The following ZNF821 variants were observed in gnomAD, a reference collection of about 807,000 sequenced individuals.
The protein encoded by ZNF821 is zinc finger protein 821.
ZNF821 carries 16 observed loss-of-function variants against 44.3 expected under a neutral mutation model. The observed-to-expected ratio is 0.36, with a 90% CI of 0.24 to 0.55. The LOEUF (loss-of-function observed/expected upper bound fraction) is 0.55, where lower values mean the gene tolerates loss of function less well. Ranked by LOEUF, ZNF821 falls within the 20% of genes least tolerant of loss-of-function variation. The probability of loss-of-function intolerance (pLI) is 0.86; values close to 1 mark genes in which losing one functional copy is unlikely to be tolerated. For synonymous variants in ZNF821, 204 were observed against 197.6 expected (o/e 1.03, Z -0.27); for missense variants, 436 against 547.6 (o/e 0.80, Z 2.03).
At chr16:71,868,109 T>A in intron 3 of ZNF821, 72 bp from the exon 4 acceptor site, 1 of 1,485,508 alleles carries the variant, frequency 6.7e-7, no homozygotes, top group Non-Finnish European at 9.0e-7. Flanking sequence ...GGTTGGAAGG[T>A]CAGACCATTC....
upstream of ZNF821, among the ~76,000 whole-genome samples, chr16:71,888,803 T>C (rs2036871413): frequency 6.6e-6 from 1 of 152,234 alleles, no homozygotes. Flanking sequence ...ATGATAAATG[T>C]AAAAACCTGA....
At chr16:71,875,963 G>A (rs1010548631) in intron 3 of ZNF821, among the ~76,000 whole-genome samples, 3 of 152,194 alleles carry the variant, frequency 2.0e-5, no homozygotes, top group African/African-American at 7.2e-5. Flanking sequence ...GGGAGATGCA[G>A]CTTATGGATA....
At chr16:71,868,331 A>G (rs2034783185) in intron 3 of ZNF821, among the ~76,000 whole-genome samples, 1 of 152,216 alleles carries the variant, frequency 6.6e-6, no homozygotes, top group African/African-American at 2.4e-5. Flanking sequence ...CAGACTCTCA[A>G]ATCCATTTAC....
chr16:71,887,554 C>T (rs765714789), upstream of ZNF821, among the ~76,000 whole-genome samples: 7 of 152,350 alleles, frequency 4.6e-5, no homozygotes, highest in East Asian at 1.9e-4. Context: ...AGCCATCGCG[C>T]GCAGCCCTCT....
At chr16:71,875,923 A>G (rs2035764624) in intron 3 of ZNF821, among the ~76,000 whole-genome samples, 1 of 152,174 alleles carries the variant, frequency 6.6e-6, no homozygotes. Flanking sequence ...AACTCCATTA[A>G]TAGCTCATCT....
At chr16:71,863,401 CTTTTTTT>C (rs372197045) in intron 6 of ZNF821, among the ~76,000 whole-genome samples, 1 of 108,594 alleles carries the variant, frequency 9.2e-6, no homozygotes, top group Admixed American at 1.0e-4. Context: ...AGCAGAATCT[CTTTTTTT>C]TTTTTTTTTT....
At chr16:71,861,163 C>A (rs975272672) in intron 7 of ZNF821, among the ~76,000 whole-genome samples, 1 of 152,186 alleles carries the variant, frequency 6.6e-6, no homozygotes, top group African/African-American at 2.4e-5. Context: ...CGGGTGTCTA[C>A]CAACTCTAAA....
intron 4 of ZNF821, 107 bp from the exon 5 acceptor site, chr16:71,865,155 C>A: frequency 7.2e-7 from 1 of 1,389,602 alleles, no homozygotes; most frequent in Non-Finnish European, 1.0e-6. Flanking sequence ...TTCAGATCTT[C>A]CATAATATAG....
At chr16:71,894,898 T>C (rs1452507690) in exon 1 of ZNF821, 1 of 1,372,932 alleles carries the variant, frequency 7.3e-7, no homozygotes, top group Non-Finnish European at 1.0e-6. Flanking sequence ...CCGAGATAAA[T>C]TAGGGAAATC....
chr16:71,864,284 C>T, intron 5 of ZNF821, 42 bp from the exon 6 acceptor site: 2 of 1,548,470 alleles, frequency 1.3e-6, no homozygotes, highest in Non-Finnish European at 1.8e-6. Context: ...ACTCTTTACT[C>T]ATCTCTTCCC....
At chr16:71,863,670 G>A (rs2034192488) in intron 6 of ZNF821, among the ~76,000 whole-genome samples, 1 of 152,042 alleles carries the variant, frequency 6.6e-6, no homozygotes, top group Non-Finnish European at 1.5e-5. Flanking sequence ...AATTCTGGGT[G>A]TGAGCCACCA....
intron 1 of ZNF821, chr16:71,894,718 TA>T: frequency 3.5e-6 from 2 of 567,560 alleles, no homozygotes; most frequent in South Asian, 4.6e-5. Context: ...TTTTTTTTTG[TA>T]GCGATGCGGT....
At position 71,860,590 on chromosome 16, in the gene ZNF821, T is replaced by C. The variant is rs762434705; in HGVS notation, c.667A>G (p.Ile223Val). 1 of 1,614,104 alleles carries C rather than the reference T, an allele frequency of 6.2e-7. No individual in the cohort carries two copies. The highest frequency in any genetic ancestry group is 8.5e-7 in the Non-Finnish European group (1 of 1,180,014). The change falls in exon 8 of 8, where the codon ATT (isoleucine) becomes GTT (valine). Residue 223 changes from isoleucine (I) to valine (V), a missense_variant. Ile to Val is a conservative substitution (Grantham distance 29). This residue lies in a region of ZNF821 where 238 missense variants were observed against 281.4 expected (regional missense o/e 0.85). Coordinates refer to ENST00000425432, the MANE Select transcript of ZNF821 (RefSeq NM_001201552.2). This position sits in a 1 kb window ranked among gnomAD's most constrained non-coding sequence, Gnocchi z 7.3. ...GGGTACACTGGAGGACTAAAGGCAA[T>C]ATCCTTCCCCTCAGCACTGGAGGGA... is the stretch of plus-strand genomic sequence containing the variant. ...EGPSSAEGKD[I>V]AFSPPVYPAG...
chr16:71,885,861 A>G (rs13335391), upstream of ZNF821, among the ~76,000 whole-genome samples: 6,050 of 152,310 alleles, frequency 0.04, 399 homozygotes, highest in African/African-American at 0.14. Flanking sequence ...AGAAAATGGA[A>G]TATTATCATC....
chr16:71,887,471 C>T (rs2036865766), upstream of ZNF821, among the ~76,000 whole-genome samples: 1 of 152,086 alleles, frequency 6.6e-6, no homozygotes, highest in South Asian at 2.1e-4. Context: ...CCGTGTTAGC[C>T]AGGATGGTCT....
At chr16:71,888,877 T>C (rs1367449086), upstream of ZNF821, among the ~76,000 whole-genome samples, 1 of 152,208 alleles carries the variant, frequency 6.6e-6, no homozygotes, top group Non-Finnish European at 1.5e-5. Context: ...TTTAATGCAT[T>C]TTATTTTCAT....
chr16:71,894,817 C>T (rs1421533684), intron 1 of ZNF821: 1 of 1,533,620 alleles, frequency 6.5e-7, no homozygotes, highest in Admixed American at 2.0e-5. Context: ...AGGTCCCTTC[C>T]AGGCTTAAGC....
chr16:71,882,695 C>CA (rs1471478335), intron 2 of ZNF821, among the ~76,000 whole-genome samples: 1 of 152,082 alleles, frequency 6.6e-6, no homozygotes, highest in Non-Finnish European at 1.5e-5. Flanking sequence ...AAAATAATAA[C>CA]AAAAACACCC....
intron 4 of ZNF821, among the ~76,000 whole-genome samples, chr16:71,867,613 G>A (rs2034694120): frequency 6.6e-6 from 1 of 151,948 alleles, no homozygotes; most frequent in Admixed American, 6.6e-5. Flanking sequence ...TTGAACCTGG[G>A]AGGTGGAGGT....
Sources: gnomAD v4.1 joint callset for allele counts (sites outside exome capture counted in the v4.1 genomes callset) on GRCh38, gnomAD v4.1.1 for gene constraint, gnomAD v4.1.1 regional missense constraint, Gnocchi (gnomAD v3.1) non-coding constraint, MANE v1.5 for transcripts, NCBI Gene and HGNC (gene_info 2026-07-23, HGNC 2026-07-21) for gene names.